RBFOX2: variants seen among roughly 807,000 people sequenced by gnomAD.
RBFOX2 encodes RNA binding fox-1 homolog 2.
Under a neutral mutation model 49.1 loss-of-function variants are expected in RBFOX2, and 10 were observed. That is an observed-to-expected ratio of 0.20 (90% CI 0.13 to 0.35). RBFOX2 has a LOEUF of 0.35. Ranked by LOEUF, RBFOX2 falls within the 10% of genes least tolerant of loss-of-function variation. The pLI is 1.00. For missense variants in RBFOX2, 323 were observed against 486.9 expected (o/e 0.66, Z 3.17); for synonymous variants, 183 against 187.4 (o/e 0.98, Z 0.19).
At chr22:35,880,928 T>C (rs2045796723) in intron 1 of RBFOX2, among the ~76,000 whole-genome samples, 1 of 152,144 alleles carries the variant, frequency 6.6e-6, no homozygotes, top group African/African-American at 2.4e-5. Context: ...AGCATTCAAA[T>C]GTGATTGATG....
intron 1 of RBFOX2, among the ~76,000 whole-genome samples, chr22:35,903,775 T>C (rs1241750526): frequency 6.6e-6 from 1 of 152,138 alleles, no homozygotes; most frequent in African/African-American, 2.4e-5. Flanking sequence ...TCCACTGCCT[T>C]AAACCACCTT....
intron 9 of RBFOX2, among the ~76,000 whole-genome samples, chr22:35,756,806 C>T (rs1313505244): frequency 6.6e-6 from 1 of 151,848 alleles, no homozygotes; most frequent in Non-Finnish European, 1.5e-5. Flanking sequence ...CAATGCAACA[C>T]CTCAGAAAAA....
At chr22:35,997,182 C>T (rs1413306391) in intron 1 of RBFOX2, 2 of 152,232 alleles carry the variant, frequency 1.3e-5, no homozygotes. Flanking sequence ...CCTGGGCTTA[C>T]AGCTCAAATG....
intron 1 of RBFOX2, among the ~76,000 whole-genome samples, chr22:35,865,619 C>A (rs1293343360): frequency 6.6e-6 from 1 of 151,658 alleles, no homozygotes; most frequent in Non-Finnish European, 1.5e-5. Context: ...AAGAGGGATT[C>A]ACTTAGTGAC....
intron 1 of RBFOX2, among the ~76,000 whole-genome samples, chr22:35,977,747 T>TAGATATAG (rs2057256572): frequency 7.2e-6 from 1 of 138,806 alleles, no homozygotes; most frequent in African/African-American, 2.7e-5. Context: ...TATATATATA[T>TAGATATAG]ATATATATAT....
chr22:35,949,426 G>A (rs2054666821), intron 1 of RBFOX2, among the ~76,000 whole-genome samples: 1 of 152,158 alleles, frequency 6.6e-6, no homozygotes, highest in Admixed American at 6.5e-5. Flanking sequence ...TGGATCACTG[G>A]TAATTCTTTG....
chr22:35,926,851 T>C (rs989434217), intron 1 of RBFOX2, among the ~76,000 whole-genome samples: 24 of 151,928 alleles, frequency 1.6e-4, no homozygotes, highest in African/African-American at 5.8e-4. Context: ...AAGAAGAAAC[T>C]TGGGCCCAGA....
At chr22:36,002,300 AC>A (rs1361350190) in intron 1 of RBFOX2, among the ~76,000 whole-genome samples, 1 of 152,208 alleles carries the variant, frequency 6.6e-6, no homozygotes, top group Non-Finnish European at 1.5e-5. Flanking sequence ...CAACATACAT[AC>A]AAGCAGCATT....
intron 1 of RBFOX2, among the ~76,000 whole-genome samples, chr22:35,867,123 A>G (rs1439150164): frequency 6.6e-6 from 1 of 152,198 alleles, no homozygotes; most frequent in Non-Finnish European, 1.5e-5. Context: ...GGTTCAGAAA[A>G]AAAGAGAATA....
chr22:35,930,791 C>G (rs1174226910), intron 1 of RBFOX2, among the ~76,000 whole-genome samples: 1 of 152,104 alleles, frequency 6.6e-6, no homozygotes, highest in Non-Finnish European at 1.5e-5. Context: ...GATGACACAC[C>G]TGCACTCCTG....
At chr22:35,858,138 T>C (rs1332282271) in intron 1 of RBFOX2, among the ~76,000 whole-genome samples, 1 of 152,112 alleles carries the variant, frequency 6.6e-6, no homozygotes, top group Non-Finnish European at 1.5e-5. Flanking sequence ...GAATGAAAAA[T>C]AGACAAAATG....
chr22:35,876,844 T>C (rs929743115), intron 1 of RBFOX2, among the ~76,000 whole-genome samples: 1 of 152,082 alleles, frequency 6.6e-6, no homozygotes, highest in Admixed American at 6.6e-5. Flanking sequence ...CCTGAACTAC[T>C]ATCCATCTGA....
intron 1 of RBFOX2, chr22:35,821,803 T>A (rs745587746): frequency 3.9e-6 from 2 of 518,632 alleles, no homozygotes; most frequent in Admixed American, 3.9e-5. Flanking sequence ...GATCTACCCA[T>A]AGGACTGTAG....
chr22:35,740,389 TCAAA>T (rs374708151), exon 12 of RBFOX2: 30 of 152,662 alleles, frequency 2.0e-4, no homozygotes, highest in African/African-American at 5.5e-4. Flanking sequence ...CTACAAATGG[TCAAA>T]CATTTTCAAG....
intron 1 of RBFOX2, chr22:35,898,289 G>T (rs1343289500): frequency 4.0e-6 from 3 of 747,192 alleles, no homozygotes; most frequent in Non-Finnish European, 7.5e-6. Flanking sequence ...AGGTATGAGG[G>T]CATGATGAAG....
intron 1 of RBFOX2, among the ~76,000 whole-genome samples, chr22:35,923,819 AT>A (rs1293320410): frequency 6.6e-6 from 1 of 152,130 alleles, no homozygotes; most frequent in African/African-American, 2.4e-5. Flanking sequence ...CCTGTAAACT[AT>A]ACAGGACTAT....
chr22:35,740,496 C>G (rs192012138), exon 12 of RBFOX2: 16 of 152,590 alleles, frequency 1.0e-4, no homozygotes, highest in Admixed American at 4.6e-4. Flanking sequence ...AAACAGGTAA[C>G]TTATGCTTTT....
At chr22:35,922,038 A>C (rs2051084922) in intron 1 of RBFOX2, among the ~76,000 whole-genome samples, 1 of 152,210 alleles carries the variant, frequency 6.6e-6, no homozygotes, top group Admixed American at 6.5e-5. Context: ...ATATGTAGGC[A>C]AGACAGACCT....
At chr22:35,863,284 G>A (rs2043304093) in intron 1 of RBFOX2, among the ~76,000 whole-genome samples, 1 of 152,116 alleles carries the variant, frequency 6.6e-6, no homozygotes, top group Non-Finnish European at 1.5e-5. Flanking sequence ...AATCAAGTGA[G>A]AAGACTACCC....
Sources: gnomAD v4.1 joint callset for allele counts (sites outside exome capture counted in the v4.1 genomes callset) on GRCh38, gnomAD v4.1.1 for gene constraint, MANE v1.5 for transcripts, NCBI Gene and HGNC (gene_info 2026-07-23, HGNC 2026-07-21) for gene names.